Variants in GABRG1 observed in about 807,000 individuals in gnomAD.
The protein encoded by GABRG1 is gamma-aminobutyric acid type A receptor subunit gamma1, also known as gamma-aminobutyric acid receptor subunit gamma-1.
A neutral mutation model predicts 49.8 loss-of-function variants in GABRG1; 49 were observed. The observed-to-expected ratio is 0.98, with a 90% confidence interval of 0.78 to 1.25. The LOEUF is 1.25. Ranked by LOEUF, GABRG1 falls within the 50% of genes most tolerant of loss-of-function variation. The probability of loss-of-function intolerance (pLI) is 0.00; values close to 1 mark genes in which losing one functional copy is unlikely to be tolerated. For synonymous variants in GABRG1, 232 were observed against 185.1 expected, an observed-to-expected ratio of 1.25 and a Z score of -2.06; for missense variants, 552 against 552.3, an observed-to-expected ratio of 1.00 and a Z score of 0.01.
intron 3 of GABRG1, among the ~76,000 whole-genome samples, chr4:46,074,899 A>G (rs1317125318): frequency 6.6e-6 from 1 of 152,052 alleles, no homozygotes; most frequent in Non-Finnish European, 1.5e-5. Flanking sequence ...GATTGGATGG[A>G]ATGGGAAAAT....
intron 2 of GABRG1, among the ~76,000 whole-genome samples, chr4:46,084,668 G>A (rs1284535977): frequency 6.6e-6 from 1 of 151,464 alleles, no homozygotes; most frequent in Non-Finnish European, 1.5e-5. Flanking sequence ...TTTTCCTCAA[G>A]CAAAAATTTT....
chr4:46,050,789 T>G (rs906634785), intron 8 of GABRG1, among the ~76,000 whole-genome samples: 1 of 151,854 alleles, frequency 6.6e-6, no homozygotes, highest in Non-Finnish European at 1.5e-5. Flanking sequence ...AAATCATGCA[T>G]GTAAAATGCT....
chr4:46,102,754 G>C (rs1560371403), intron 1 of GABRG1, among the ~76,000 whole-genome samples: 1 of 151,274 alleles, frequency 6.6e-6, no homozygotes, highest in Admixed American at 6.6e-5. Context: ...ACTGTATGTG[G>C]GAAAAAAACC....
At chr4:46,082,367 T>C (rs1719608381) in intron 3 of GABRG1, among the ~76,000 whole-genome samples, 2 of 151,628 alleles carry the variant, frequency 1.3e-5, no homozygotes, top group African/African-American at 4.8e-5. Context: ...CATACTCTTA[T>C]CTCATCTTCT....
chr4:46,065,130 C>A (rs1718857773), intron 4 of GABRG1, among the ~76,000 whole-genome samples: 1 of 152,082 alleles, frequency 6.6e-6, no homozygotes, highest in Admixed American at 6.6e-5. Flanking sequence ...ACCTGTTCTG[C>A]TTCAAAGGAA....
chr4:46,106,940 G>A (rs1056475649), intron 1 of GABRG1, among the ~76,000 whole-genome samples: 5 of 151,176 alleles, frequency 3.3e-5, no homozygotes, highest in African/African-American at 1.2e-4. Context: ...TGGGTACAAA[G>A]TAGGTGTATA....
In GABRG1 at chr4:46,097,328, T is replaced by G. The variant is rs1173146692; in HGVS notation, c.126A>C (p.Glu42Asp). The G allele has an allele frequency of 3.0e-5, 48 of 1,608,956 alleles. No homozygotes were observed. Among genetic ancestry groups the G allele is most frequent in the Non-Finnish European group, 4.1e-5 (48 of 1,177,244 alleles). The change falls in exon 2 of 9, where the codon GAA (glutamate) becomes GAC (aspartate). Residue 42 changes from glutamate (E) to aspartate (D), a missense_variant. Physicochemically the swap from Glu to Asp is conservative, Grantham distance 45. Transcript: ENST00000295452. Reference protein sequence around the residue: ...LGNCVDKADDEDDEDLTVNKT... With the variant: ...LGNCVDKADDDDDEDLTVNKT... Reference sequence around the variant, plus strand: ...TGTTCACCGTTAAATCCTCATCATCTTCATCATCTGCCTTATCAACACTAA... The same window carrying G: ...TGTTCACCGTTAAATCCTCATCATCGTCATCATCTGCCTTATCAACACTAA...
chr4:46,073,341 G>A (rs888901805), intron 3 of GABRG1, among the ~76,000 whole-genome samples: 9 of 151,764 alleles, frequency 5.9e-5, no homozygotes, highest in Middle Eastern at 3.2e-3. Context: ...ATCATAGAAC[G>A]TGTAAGAGAT....
At chr4:46,068,647 T>A (rs1381758135) in intron 3 of GABRG1, among the ~76,000 whole-genome samples, 1 of 152,064 alleles carries the variant, frequency 6.6e-6, no homozygotes, top group African/African-American at 2.4e-5. Flanking sequence ...CCCTTTTAAA[T>A]TGCTAATTTT....
At position 46,036,806 on chromosome 4, in the gene GABRG1, T is replaced by G. The variant is rs185936551; in HGVS notation, c.*4182A>C. Reference sequence around the variant, plus strand: ...CTTCTGCAGAAATTTTAATAATGTATCTTTTGTACTCAAGTATCTCTGTGA... The same window carrying G: ...CTTCTGCAGAAATTTTAATAATGTAGCTTTTGTACTCAAGTATCTCTGTGA... On this transcript the variant is annotated 3_prime_UTR_variant, in exon 9 of 9. Transcript: ENST00000295452. 6.6e-6 allele frequency: 1 copy of G among 151,964 alleles called. No individual in the cohort carries two copies. The highest frequency in any genetic ancestry group is 1.5e-5 in the Non-Finnish European group (1 of 67,918). The allele number at this position is 151,964 out of a possible 1,614,324, so 9.4% of individuals were successfully genotyped here. A position where few individuals can be genotyped will look rare whatever the true frequency, so the allele number is the denominator to read the frequency against.
In GABRG1 at chr4:46,115,269, T is replaced by A. The variant is rs374157084; in HGVS notation, c.104+8541A>T. Among the ~76,000 whole-genome samples the A allele has an allele frequency of 1.4e-3, 208 of 150,622 alleles. 7 individuals carry two copies. In the South Asian group the frequency reaches 0.041, roughly 29 times the overall value. ...ACAAAATTAAGCTTTCAAAATAAGATCCCAAATATATAGATGTATCCCAAA... is the reference window on the plus strand; with the variant it reads ...ACAAAATTAAGCTTTCAAAATAAGAACCCAAATATATAGATGTATCCCAAA... On this transcript the variant is annotated intron_variant, in intron 1 of 8. Coordinates refer to ENST00000295452, the MANE Select transcript of GABRG1 (RefSeq NM_173536.4).
intron 7 of GABRG1, among the ~76,000 whole-genome samples, chr4:46,055,960 G>A (rs1718404585): frequency 7.3e-5 from 1 of 13,618 alleles, no homozygotes; most frequent in African/African-American, 4.0e-4. Flanking sequence ...TGGTGGGGTC[G>A]GGGGGAGGGG....
At chr4:46,049,582 C>T (rs1013032162) in intron 8 of GABRG1, among the ~76,000 whole-genome samples, 1 of 151,990 alleles carries the variant, frequency 6.6e-6, no homozygotes, top group East Asian at 1.9e-4. Flanking sequence ...CGTTCTTTAC[C>T]TTTCCATAAT....
rs1480602915 is a variant in GABRG1, at chr4:46,123,922, C to T, written c.-9G>A. On this transcript the variant is annotated 5_prime_UTR_variant, in exon 1 of 9. Coordinates refer to ENST00000295452, the MANE Select transcript of GABRG1 (RefSeq NM_173536.4). ...GCTTTCAAAGGACCCATCGGAATCG[C>T]TTTTTTACGTGTGCTGCACTAGCTC... 2 of 1,606,810 alleles carry T rather than the reference C, an allele frequency of 1.2e-6. No homozygotes were observed. Among genetic ancestry groups the T allele is most frequent in the African/African-American group, 1.3e-5 (1 of 74,740 alleles).
At chr4:46,090,861 A>T (rs1196326508) in intron 2 of GABRG1, among the ~76,000 whole-genome samples, 1 of 151,468 alleles carries the variant, frequency 6.6e-6, no homozygotes, top group Non-Finnish European at 1.5e-5. Context: ...TAGAGCTTTT[A>T]GATCTTTTAT....
At chr4:46,105,803 A>ATGGGTAGATAGATAGAT (rs1560372629) in intron 1 of GABRG1, among the ~76,000 whole-genome samples, 8 of 134,020 alleles carry the variant, frequency 6.0e-5, no homozygotes, top group Admixed American at 3.0e-4. Flanking sequence ...ATAGATAGAT[A>ATGGGTAGATAGATAGAT]GATAGATAGA....
At chr4:46,069,420 A>G (rs886547247) in intron 3 of GABRG1, among the ~76,000 whole-genome samples, 6 of 152,080 alleles carry the variant, frequency 3.9e-5, no homozygotes, top group Non-Finnish European at 5.9e-5. Context: ...TTTTATAGGT[A>G]TCAGCTCCAG....
chr4:46,117,578 C>CTCTCTCTCTCTCTGTCTCTCTCTTTCTG (rs1553884374), intron 1 of GABRG1, among the ~76,000 whole-genome samples: 2 of 143,398 alleles, frequency 1.4e-5, no homozygotes, highest in African/African-American at 5.3e-5. Flanking sequence ...CTCTCTCTCT[C>CTCTCTCTCTCTCTGTCTCTCTCTTTCTG]TCTGTCTCTC....
chr4:46,090,159 T>C (rs1433505338), intron 2 of GABRG1, among the ~76,000 whole-genome samples: 1 of 151,948 alleles, frequency 6.6e-6, no homozygotes, highest in Non-Finnish European at 1.5e-5. Context: ...CATACAAAAA[T>C]TACTTCAACA....
Sources: gnomAD v4.1 joint callset for allele counts (sites outside exome capture counted in the v4.1 genomes callset) on GRCh38, gnomAD v4.1.1 for gene constraint, MANE v1.5 for transcripts, NCBI Gene and HGNC (gene_info 2026-07-23, HGNC 2026-07-21) for gene names.